MYO18B: variants seen among roughly 807,000 people sequenced by gnomAD.
The protein encoded by MYO18B is myosin XVIIIB, also known as unconventional myosin-XVIIIb.
Under a neutral mutation model 273.0 loss-of-function variants are expected in MYO18B, and 204 were observed. The ratio of observed to expected loss-of-function variants is 0.75; its 90% CI spans 0.67 to 0.84. The LOEUF (loss-of-function observed/expected upper bound fraction) is 0.84, where lower values mean the gene tolerates loss of function less well. MYO18B is among the 40% of genes least tolerant of loss of function. The pLI is 0.00. For synonymous variants in MYO18B, 1,330 were observed against 1,305.7 expected, an observed-to-expected ratio of 1.02 and a Z score of -0.40; for missense variants, 3,212 against 3,287.6, an observed-to-expected ratio of 0.98 and a Z score of 0.56.
At chr22:26,041,646 G>T in the MYO18B span, among the ~76,000 whole-genome samples, 3 of 152,198 alleles carry the variant, frequency 2.0e-5, no homozygotes, top group South Asian at 6.2e-4. Flanking sequence ...CTCTCTGGTT[G>T]CTGGATACAA....
chr22:25,879,075 G>C lies in MYO18B; in HGVS notation c.4314+1027G>C, dbSNP rs113439490. Among the ~76,000 whole-genome samples, 758 of 152,328 alleles carry C rather than the reference G, an allele frequency of 5.0e-3. 11 individuals carry two copies. The highest frequency in any genetic ancestry group is 0.017 in the African/African-American group (724 of 41,576). ...GAGTGAAAATGAATGAAGAGACAGG[G>C]AAAACTGTGGCTCACAGGCTAAATT... On this transcript the variant is annotated intron_variant, in intron 25 of 43. Transcript: ENST00000335473.
chr22:25,770,932 GGATT>G lies in MYO18B; in HGVS notation c.1644_1647del (p.Ile548MetfsTer40). On this transcript the variant is annotated frameshift_variant, in exon 6 of 44. Transcript: ENST00000335473. LOFTEE classifies it high-confidence loss of function. ...CTGCCAGCAGGAAGGGTGAGACTTT[GGATT>G]GATGCTGACAAAACCATCACTGAGG... 1 of 1,552,226 alleles carries G rather than the reference GGATT, an allele frequency of 6.4e-7. No homozygotes were observed. Among genetic ancestry groups the G allele is most frequent in the Non-Finnish European group, 8.7e-7 (1 of 1,147,216 alleles).
chr22:25,951,511 C>T (rs377709834), intron 37 of MYO18B, among the ~76,000 whole-genome samples: 2 of 152,176 alleles, frequency 1.3e-5, no homozygotes, highest in African/African-American at 4.8e-5. Context: ...TTTTCTCCGT[C>T]TGAGAAATGG....
At chr22:25,745,510 CAT>C (rs778629344) in intron 1 of MYO18B, among the ~76,000 whole-genome samples, 4 of 152,026 alleles carry the variant, frequency 2.6e-5, no homozygotes, top group Non-Finnish European at 4.4e-5. Flanking sequence ...CACGCACACA[CAT>C]CTCATTCAGT....
At chr22:26,042,496 C>A in the MYO18B span, among the ~76,000 whole-genome samples, 1 of 152,212 alleles carries the variant, frequency 6.6e-6, no homozygotes, top group Non-Finnish European at 1.5e-5. Context: ...TTTACATCTT[C>A]TTTTCTAAAG....
At chr22:25,935,670 G>A (rs2092568161) in intron 34 of MYO18B, among the ~76,000 whole-genome samples, 1 of 152,146 alleles carries the variant, frequency 6.6e-6, no homozygotes. Flanking sequence ...TTCTCCCAGA[G>A]TACCCTCCTT....
At chr22:25,915,517 C>T (rs1037740366) in intron 33 of MYO18B, among the ~76,000 whole-genome samples, 1 of 152,100 alleles carries the variant, frequency 6.6e-6, no homozygotes, top group Non-Finnish European at 1.5e-5. Flanking sequence ...CTTATGGGAC[C>T]ACCGTTGTAT....
At chr22:25,863,990 A>G (rs2090814947) in intron 21 of MYO18B, among the ~76,000 whole-genome samples, 1 of 152,222 alleles carries the variant, frequency 6.6e-6, no homozygotes. Flanking sequence ...CCTTAGGCTT[A>G]GCTGTGCCAT....
chr22:25,826,262 A>T lies in MYO18B; in HGVS notation c.2696-147A>T. ...AAGGACACTTAGACTTTGTCCTAAG[A>T]ACCTGGGGAAATAATTTTAGCAGTG... On this transcript the variant is annotated intron_variant, in intron 13 of 43. Transcript: ENST00000335473. 6.9e-6 allele frequency: 4 copies of T among 577,844 alleles called. No individual in the cohort carries two copies. In the South Asian group the frequency reaches 9.5e-5, roughly 14 times the overall value. The allele number at this position is 577,844 out of a possible 1,614,324, so 35.8% of individuals were successfully genotyped here.
intron 22 of MYO18B, among the ~76,000 whole-genome samples, chr22:25,874,046 G>A (rs1601424391): frequency 6.6e-6 from 1 of 152,318 alleles, no homozygotes. Flanking sequence ...CCCAGGTGGT[G>A]CCAATGCCAC....
chr22:25,940,838 C>T (rs1351852503), intron 34 of MYO18B, among the ~76,000 whole-genome samples: 1 of 152,208 alleles, frequency 6.6e-6, no homozygotes, highest in Non-Finnish European at 1.5e-5. Flanking sequence ...GCATGTTTCC[C>T]TCTGTAACTA....
chr22:25,844,286 C>T (rs371842083), intron 18 of MYO18B, among the ~76,000 whole-genome samples: 3 of 152,210 alleles, frequency 2.0e-5, no homozygotes, highest in African/African-American at 4.8e-5. Context: ...CACCATGTTC[C>T]CTGGCTGCTC....
At chr22:25,921,712 GTGTGTGTGTGTGTGTGTGT>G in intron 34 of MYO18B, among the ~76,000 whole-genome samples, 1 of 41,726 alleles carries the variant, frequency 2.4e-5, no homozygotes, top group Non-Finnish European at 6.2e-5. Flanking sequence ...TTGTGTGTGT[GTGTGTGTGTGTGTGTGTGT>G]GTGTGTGTGT....
chr22:25,925,034 A>G (rs2092399904), intron 34 of MYO18B, among the ~76,000 whole-genome samples: 1 of 152,148 alleles, frequency 6.6e-6, no homozygotes, highest in Non-Finnish European at 1.5e-5. Flanking sequence ...TGAGCAATTT[A>G]CCTAAGGGCA....
chr22:25,999,389 T>C (rs975595359), intron 40 of MYO18B, among the ~76,000 whole-genome samples: 1 of 152,192 alleles, frequency 6.6e-6, no homozygotes, highest in East Asian at 1.9e-4. Context: ...AACATTTGCA[T>C]TTAGACTGGA....
At chr22:25,902,446 A>G (rs2091956727) in intron 29 of MYO18B, among the ~76,000 whole-genome samples, 167 bp from the exon 30 acceptor site, 1 of 152,198 alleles carries the variant, frequency 6.6e-6, no homozygotes, top group African/African-American at 2.4e-5. Context: ...GCATTGAGAA[A>G]AACTTCCAAC....
chr22:25,843,184 T>C (rs555140285), intron 17 of MYO18B, among the ~76,000 whole-genome samples: 45 of 152,272 alleles, frequency 3.0e-4, no homozygotes, highest in African/African-American at 9.9e-4. Flanking sequence ...CCCATTTTTT[T>C]CTCCCACCCT....
chr22:25,825,564 G>T (rs61449844), intron 13 of MYO18B, among the ~76,000 whole-genome samples: 12 of 152,126 alleles, frequency 7.9e-5, no homozygotes, highest in African/African-American at 2.9e-4. Flanking sequence ...GCAAAATCAA[G>T]TCCACAACTG....
At chr22:25,965,667 A>G (rs755616850) in intron 39 of MYO18B, among the ~76,000 whole-genome samples, 2 of 152,228 alleles carry the variant, frequency 1.3e-5, no homozygotes, top group South Asian at 2.1e-4. Context: ...CTTCAAAAGC[A>G]TAGTTAGAGC....
Sources: allele counts gnomAD v4.1 joint callset (sites outside exome capture counted in the v4.1 genomes callset), GRCh38; gene constraint gnomAD v4.1.1; transcripts MANE v1.5; gene names NCBI Gene and HGNC (gene_info 2026-07-23, HGNC 2026-07-21).